AASS: variants seen among roughly 807,000 people sequenced by gnomAD.
The protein encoded by AASS is aminoadipate-semialdehyde synthase, also known as alpha-aminoadipic semialdehyde synthase, mitochondrial.
Under a neutral mutation model 105.4 loss-of-function variants are expected in AASS, and 86 were observed. The ratio of observed to expected loss-of-function variants is 0.82; its 90% CI spans 0.69 to 0.98. The LOEUF (loss-of-function observed/expected upper bound fraction) is 0.98. AASS is among the 50% of genes least tolerant of loss of function. AASS has a pLI of 0.00. For synonymous variants in AASS, 381 were observed against 394.8 expected (o/e 0.96, Z 0.41); for missense variants, 1,048 against 1,143.2 (o/e 0.92, Z 1.20).
intron 3 of AASS, among the ~76,000 whole-genome samples, chr7:122,127,559 C>A (rs1318091321): frequency 2.0e-5 from 3 of 151,950 alleles, no homozygotes; most frequent in African/African-American, 7.3e-5. Context: ...GAACATTCTT[C>A]CTATAGTATT....
intron 4 of AASS, among the ~76,000 whole-genome samples, chr7:122,123,871 A>G (rs1393766924): frequency 2.0e-5 from 3 of 152,078 alleles, no homozygotes; most frequent in Non-Finnish European, 4.4e-5. Flanking sequence ...CCTATACAGA[A>G]CTCATTTACT....
chr7:122,125,563 C>CT (rs1228542516), intron 4 of AASS, among the ~76,000 whole-genome samples: 1 of 152,160 alleles, frequency 6.6e-6, no homozygotes, highest in Non-Finnish European at 1.5e-5. Context: ...ACCTCACGTT[C>CT]TGTATTCGTT....
chr7:122,135,870 A>ACAGGTTCATTTATATG (rs1796118592), intron 1 of AASS, among the ~76,000 whole-genome samples: 1 of 152,188 alleles, frequency 6.6e-6, no homozygotes, highest in Non-Finnish European at 1.5e-5. Flanking sequence ...ATTTTTATAT[A>ACAGGTTCATTTATATG]CAGGTTCATT....
Position 122,092,955 on chromosome 7 carries a change from C to T in AASS, c.1767-4G>A, listed in dbSNP as rs769434347. On this transcript the variant is annotated splice_polypyrimidine_tract_variant and splice_region_variant and intron_variant, in intron 16 of 23. Transcript: ENST00000417368. The stretch of plus-strand genomic sequence containing the variant: ...TGTGATGCCAGCATCTTCCACACTG[C>T]AGCAGGTGGAAAGAGGAAAAAGGAA... The T allele has an allele frequency of 5.0e-6, 8 of 1,612,834 alleles. No homozygotes were observed. The highest frequency in any genetic ancestry group is 2.2e-5 in the South Asian group (2 of 91,062).
chr7:122,126,371 T>G lies in AASS; in HGVS notation c.472+4A>C, dbSNP rs764666459. 2.5e-6 allele frequency: 4 copies of G among 1,613,318 alleles called. No individual in the cohort carries two copies. The highest frequency in any genetic ancestry group is 4.5e-5 in the East Asian group (2 of 44,866). On this transcript the variant is annotated splice_donor_region_variant and intron_variant, in intron 4 of 23. Coordinates refer to ENST00000417368, the MANE Select transcript of AASS (RefSeq NM_005763.4). Reference sequence around the variant, plus strand: ...GTGGGTGATGTAAGCCCTGGCATACTTACCTGCCACACCAGCCCACTGTCC... The same window carrying G: ...GTGGGTGATGTAAGCCCTGGCATACGTACCTGCCACACCAGCCCACTGTCC...
chr7:122,084,213 G>C (rs919830539), intron 19 of AASS, among the ~76,000 whole-genome samples: 1 of 152,036 alleles, frequency 6.6e-6, no homozygotes, highest in Non-Finnish European at 1.5e-5. Flanking sequence ...GTGCCTAAAG[G>C]CTGGTAGAAG....
Position 122,081,829 on chromosome 7 carries a change from C to T in AASS, c.2185-234G>A, listed in dbSNP as rs28405443. The T allele has an allele frequency of 1.1e-3, 576 of 506,294 alleles. 3 individuals are homozygous for T. The highest frequency in any genetic ancestry group is 1.0e-2 in the African/African-American group (519 of 52,024). 31.4% of individuals were successfully genotyped at this position (506,294 alleles called of 1,614,324 possible). A position where few individuals can be genotyped will look rare whatever the true frequency, so the allele number is the denominator to read the frequency against. ...TTGAGGATATAGATACAACCAATTT[C>T]AAGCTCAAACTGAGATCAATAGTGT... On this transcript the variant is annotated intron_variant, in intron 19 of 23. Transcript: ENST00000417368.
chr7:122,085,993 C>A lies in AASS; in HGVS notation c.2184+19G>T, dbSNP rs1159716798. ...CATCACAACTGGCAACATGTTGAAT[C>A]TAAAGTCCAGCTGCTTACCTTATAT... On this transcript the variant is annotated intron_variant, in intron 19 of 23. Transcript: ENST00000417368. 1.9e-6 allele frequency: 3 copies of A among 1,613,182 alleles called. No individual in the cohort carries two copies. Among genetic ancestry groups the A allele is most frequent in the Admixed American group, 3.3e-5 (2 of 59,884 alleles).
intron 15 of AASS, among the ~76,000 whole-genome samples, chr7:122,094,178 C>A (rs943854985): frequency 6.6e-6 from 1 of 152,142 alleles, no homozygotes; most frequent in African/African-American, 2.4e-5. Flanking sequence ...CATTGATACT[C>A]CAGACCTCAG....
At chr7:122,079,070 A>G in intron 21 of AASS, 120 bp from the exon 22 acceptor site, 1 of 1,584,054 alleles carries the variant, frequency 6.3e-7, no homozygotes, top group South Asian at 1.1e-5. Flanking sequence ...TGGTAACTCA[A>G]GTTGTAGGAT....
At chr7:122,134,196 A>T (rs888868905) in intron 1 of AASS, among the ~76,000 whole-genome samples, 2 of 152,166 alleles carry the variant, frequency 1.3e-5, no homozygotes, top group Admixed American at 6.5e-5. Flanking sequence ...TTTCCAGTTC[A>T]TCTCTGACCA....
chr7:122,105,263 T>A (rs917508614), intron 11 of AASS, among the ~76,000 whole-genome samples: 3 of 151,892 alleles, frequency 2.0e-5, no homozygotes. Context: ...AAAAAATAGA[T>A]ACCAAAACAA....
At chr7:122,079,303 A>G in intron 21 of AASS, 1 of 1,347,142 alleles carries the variant, frequency 7.4e-7, no homozygotes, top group Non-Finnish European at 9.5e-7. Context: ...TTTTCATGTA[A>G]TATTCTATGA....
At chr7:122,083,402 A>T (rs956523899) in intron 19 of AASS, among the ~76,000 whole-genome samples, 2 of 152,054 alleles carry the variant, frequency 1.3e-5, no homozygotes, top group African/African-American at 4.8e-5. Context: ...TTTTATGCTG[A>T]CCCCTAGAAA....
chr7:122,111,662 G>T (rs279670), intron 11 of AASS, among the ~76,000 whole-genome samples: 12,884 of 152,206 alleles, frequency 0.085, 657 homozygotes, highest in African/African-American at 0.14. Context: ...CCAGCACTTT[G>T]GGAGGCCGAG....
At chr7:122,091,967 A>G in intron 17 of AASS, 124 bp from the exon 18 acceptor site, 2 of 683,968 alleles carry the variant, frequency 2.9e-6, no homozygotes, top group East Asian at 5.5e-5. Flanking sequence ...TAAAGTTACT[A>G]AGGCATTCAA....
At chr7:122,138,822 T>TAG (rs1309621005) in intron 1 of AASS, among the ~76,000 whole-genome samples, 1 of 151,322 alleles carries the variant, frequency 6.6e-6, no homozygotes, top group Non-Finnish European at 1.5e-5. Flanking sequence ...CAGAGACAGA[T>TAG]AGAGAGAGAG....
chr7:122,109,253 C>CAAAAAA (rs3069225), intron 11 of AASS, among the ~76,000 whole-genome samples: 1 of 112,104 alleles, frequency 8.9e-6, no homozygotes, highest in Non-Finnish European at 1.9e-5. Flanking sequence ...CAATCCTTAC[C>CAAAAAA]AAAAAAAAAA....
intron 1 of AASS, 104 bp downstream of exon 1, chr7:122,144,057 C>G (rs1218511077): frequency 6.6e-6 from 1 of 152,226 alleles, no homozygotes; most frequent in Non-Finnish European, 1.5e-5. Context: ...GCGGGCCCCT[C>G]CCAGCGACAG....
Sources: allele counts gnomAD v4.1 joint callset (sites outside exome capture counted in the v4.1 genomes callset), GRCh38; gene constraint gnomAD v4.1.1; transcripts MANE v1.5; gene names NCBI Gene and HGNC (gene_info 2026-07-23, HGNC 2026-07-21).